The following ATP2C1 variants were observed in gnomAD, a reference collection of about 807,000 sequenced individuals.
The protein encoded by ATP2C1 is calcium-transporting ATPase type 2C member 1.
In ATP2C1, 31 loss-of-function variants were observed where a neutral mutation model predicts 120.5. The ratio of observed to expected loss-of-function variants is 0.26; its 90% CI spans 0.19 to 0.35. The LOEUF is 0.35. ATP2C1 is among the 10% of genes least tolerant of loss of function. The probability of loss-of-function intolerance (pLI) is 1.00; values close to 1 mark genes in which losing one functional copy is unlikely to be tolerated. For synonymous variants in ATP2C1, 351 were observed against 358.7 expected (o/e 0.98, Z 0.24); for missense variants, 731 against 1,107.5 (o/e 0.66, Z 4.83).
At chr3:130,874,148 A>C (rs1346437864) in intron 1 of ATP2C1, among the ~76,000 whole-genome samples, 1 of 151,888 alleles carries the variant, frequency 6.6e-6, no homozygotes, top group Non-Finnish European at 1.5e-5. Flanking sequence ...AAAGATAAGA[A>C]AAAAATCTAG....
chr3:130,951,885 C>T (rs1176526160), intron 8 of ATP2C1, among the ~76,000 whole-genome samples: 1 of 152,106 alleles, frequency 6.6e-6, no homozygotes, highest in Non-Finnish European at 1.5e-5. Flanking sequence ...ACAATTTTGT[C>T]TCTTTGGAGT....
chr3:130,880,905 G>A (rs2068760083), intron 1 of ATP2C1, among the ~76,000 whole-genome samples: 1 of 152,172 alleles, frequency 6.6e-6, no homozygotes, highest in African/African-American at 2.4e-5. Flanking sequence ...GAAGCACAGT[G>A]GAGAGAGATG....
chr3:130,888,246 G>T (rs981394570), intron 1 of ATP2C1, among the ~76,000 whole-genome samples: 4 of 152,178 alleles, frequency 2.6e-5, no homozygotes, highest in African/African-American at 7.2e-5. Flanking sequence ...CATACGCAGA[G>T]GAGTCACTTT....
intron 12 of ATP2C1, among the ~76,000 whole-genome samples, chr3:130,961,010 A>G (rs556775642): frequency 6.6e-6 from 1 of 152,180 alleles, no homozygotes; most frequent in Non-Finnish European, 1.5e-5. Context: ...GAAAAGTCAA[A>G]TAGATTACAA....
rs537165522 is a variant in ATP2C1 at position 130,922,147 on chromosome 3, G to C, written c.7-8269G>C. ...TGTTTCAGTCTCACCACTTGTTATTGGTCTGTTCAGAGTTTCTGTATCTTC... is the reference window on the plus strand; with the variant it reads ...TGTTTCAGTCTCACCACTTGTTATTCGTCTGTTCAGAGTTTCTGTATCTTC... On this transcript the variant is annotated intron_variant, in intron 2 of 27. Transcript: ENST00000510168. Among the ~76,000 whole-genome samples, 16 of 151,992 alleles carry C rather than the reference G, an allele frequency of 1.1e-4. No individual in the cohort carries two copies. In the South Asian group the frequency reaches 1.2e-3, roughly 12 times the overall value.
intron 2 of ATP2C1, among the ~76,000 whole-genome samples, chr3:130,897,577 A>G (rs2069744299): frequency 6.6e-6 from 1 of 152,124 alleles, no homozygotes; most frequent in Non-Finnish European, 1.5e-5. Context: ...TAGAATTGAT[A>G]GTGTTTCCCT....
At position 130,894,569 on chromosome 3, in the gene ATP2C1, T is replaced by G; in HGVS notation, c.-180-21T>G. Reference sequence around the variant, plus strand: ...TTCCTCAGCCTCTCGTCAGCGCCGCTTCTCCTGGTTTCTCTTGCAGATGCT... The same window carrying G: ...TTCCTCAGCCTCTCGTCAGCGCCGCGTCTCCTGGTTTCTCTTGCAGATGCT... On this transcript the variant is annotated intron_variant, in intron 1 of 27. Transcript: ENST00000510168. The surrounding 1 kb of genome is among the most constrained non-coding windows in gnomAD (Gnocchi z 4.5). The G allele has an allele frequency of 2.1e-6, 3 of 1,438,328 alleles. No individual in the cohort carries two copies. The highest frequency in any genetic ancestry group is 2.7e-6 in the Non-Finnish European group (3 of 1,095,062). The allele number at this position is 1,438,328 out of a possible 1,614,324, so 89.1% of individuals were successfully genotyped here. A position where few individuals can be genotyped will look rare whatever the true frequency, so the allele number is the denominator to read the frequency against.
chr3:130,894,364 C>T lies in ATP2C1; in HGVS notation c.-181+27C>T, dbSNP rs1171959232. The T allele has an allele frequency of 1.8e-6, 2 of 1,098,260 alleles. No individual in the cohort carries two copies. Among genetic ancestry groups the T allele is most frequent in the Non-Finnish European group, 1.1e-6 (1 of 894,962 alleles). The allele number at this position is 1,098,260 out of a possible 1,614,324, so 68.0% of individuals were successfully genotyped here. ...TGGGTACCAGTATTACCTCCTGCCC[C>T]CATTTCTAGAAACTTCCAGGTTCTG... On this transcript the variant is annotated intron_variant, in intron 1 of 27. Coordinates refer to ENST00000510168, the MANE Select transcript of ATP2C1 (RefSeq NM_001378687.1). The surrounding 1 kb of genome is among the most constrained non-coding windows in gnomAD (Gnocchi z 4.5).
chr3:130,900,991 CA>C (rs756963586), intron 2 of ATP2C1, among the ~76,000 whole-genome samples: 3 of 152,112 alleles, frequency 2.0e-5, no homozygotes, highest in African/African-American at 4.8e-5. Flanking sequence ...TCTACATCAT[CA>C]GGGGTGGAAA....
At position 130,876,756 on chromosome 3, in the gene ATP2C1, CT is replaced by C. The variant is rs2068617828; in HGVS notation, c.108+25831del. Among the ~76,000 whole-genome samples, 4 of 151,768 alleles carry C rather than the reference CT, an allele frequency of 2.6e-5. No individual in the cohort carries two copies. In the South Asian group the frequency reaches 8.3e-4, roughly 31 times the overall value. ...CTTTCAATTCATGAGCATAGGATGT[CT>C]TTCCATTGTTTTTGTGTCCTCTACT... On this transcript the variant is annotated intron_variant, in intron 1 of 26. Coordinates refer to the ATP2C1 transcript ENST00000504381.
intron 11 of ATP2C1, 97 bp from the exon 12 acceptor site, chr3:130,959,170 CTTTCCCTT>C: frequency 1.3e-6 from 1 of 789,352 alleles, no homozygotes; most frequent in Non-Finnish European, 2.2e-6. Flanking sequence ...ATCTGATATG[CTTTCCCTT>C]TTTTGTCAAG....
chr3:130,926,044 A>C (rs2059189580), intron 2 of ATP2C1, among the ~76,000 whole-genome samples: 1 of 152,120 alleles, frequency 6.6e-6, no homozygotes, highest in South Asian at 2.1e-4. Context: ...TTTGCCCCAG[A>C]CCACAAGCCT....
intron 2 of ATP2C1, among the ~76,000 whole-genome samples, chr3:130,925,801 C>CG (rs1316821401): frequency 4.9e-5 from 6 of 123,706 alleles, no homozygotes; most frequent in Non-Finnish European, 6.7e-5. Flanking sequence ...GCTGCTGTTG[C>CG]GGGGGGTGGG....
At chr3:130,924,460 T>C (rs932262875) in intron 2 of ATP2C1, among the ~76,000 whole-genome samples, 23 of 152,186 alleles carry the variant, frequency 1.5e-4, no homozygotes, top group African/African-American at 5.3e-4. Flanking sequence ...TCTGATAGGT[T>C]TTTCTTTATA....
intron 1 of ATP2C1, among the ~76,000 whole-genome samples, chr3:130,852,023 C>G (rs1226714087): frequency 6.6e-6 from 1 of 152,226 alleles, no homozygotes; most frequent in Non-Finnish European, 1.5e-5. Context: ...TGAGAGGAAA[C>G]TGCTTGTATG....
chr3:131,016,701 C>A, downstream of ATP2C1: 1 of 322,184 alleles, frequency 3.1e-6, no homozygotes, highest in Admixed American at 4.5e-5. Flanking sequence ...TTACTGTTCT[C>A]TTTCACCGAA....
intron 20 of ATP2C1, among the ~76,000 whole-genome samples, chr3:130,982,814 C>T (rs1292336043): frequency 6.6e-6 from 1 of 151,972 alleles, no homozygotes; most frequent in Admixed American, 6.6e-5. Flanking sequence ...ATAGAAAAAT[C>T]AAATAATATA....
At chr3:130,912,289 A>C (rs2108130505) in intron 2 of ATP2C1, among the ~76,000 whole-genome samples, 1 of 148,136 alleles carries the variant, frequency 6.8e-6, no homozygotes, top group South Asian at 2.2e-4. Context: ...GCACAGCAAA[A>C]GAAACTACCA....
At chr3:130,987,105 A>AT (rs2062056914) in intron 20 of ATP2C1, among the ~76,000 whole-genome samples, 1 of 150,478 alleles carries the variant, frequency 6.6e-6, no homozygotes, top group Non-Finnish European at 1.5e-5. Flanking sequence ...TGCTTGGGTA[A>AT]TTAAAAAAAA....
Sources: gnomAD v4.1 joint callset for allele counts (sites outside exome capture counted in the v4.1 genomes callset) on GRCh38, gnomAD v4.1.1 for gene constraint, Gnocchi (gnomAD v3.1) non-coding constraint, MANE v1.5 for transcripts, NCBI Gene and HGNC (gene_info 2026-07-23, HGNC 2026-07-21) for gene names.